Variants in SUCLG1 observed in about 807,000 individuals in gnomAD.
SUCLG1 encodes succinate-CoA ligase GDP/ADP-forming subunit alpha, also known as succinate--CoA ligase [ADP/GDP-forming] subunit alpha, mitochondrial.
SUCLG1 carries 26 observed loss-of-function variants against 37.3 expected under a neutral mutation model. That is an observed-to-expected ratio of 0.70 (90% CI 0.51 to 0.97). The LOEUF (loss-of-function observed/expected upper bound fraction) is 0.97. SUCLG1 is among the 50% of genes least tolerant of loss of function. The pLI is 0.00. For missense variants in SUCLG1, 433 were observed against 432.9 expected (o/e 1.00, Z 0.00); for synonymous variants, 163 against 155.6 (o/e 1.05, Z -0.36).
At chr2:84,441,569 C>A in intron 3 of SUCLG1, 110 bp from the exon 4 acceptor site, 1 of 1,197,710 alleles carries the variant, frequency 8.3e-7, no homozygotes, top group South Asian at 1.3e-5. Context: ...AGGACACTAC[C>A]CAGAGACATA....
At chr2:84,446,253 C>T (rs549820049) in intron 2 of SUCLG1, among the ~76,000 whole-genome samples, 3 of 152,342 alleles carry the variant, frequency 2.0e-5, no homozygotes, top group East Asian at 3.9e-4. Context: ...ATAATATACT[C>T]ATTGATTTTG....
intron 1 of SUCLG1, among the ~76,000 whole-genome samples, chr2:84,452,236 T>A (rs1300461986): frequency 6.6e-6 from 1 of 150,948 alleles, no homozygotes; most frequent in Non-Finnish European, 1.5e-5. Flanking sequence ...CCCACACCTA[T>A]TCAAGGTAGA....
intron 7 of SUCLG1, among the ~76,000 whole-genome samples, chr2:84,430,773 GTTGC>G (rs1672602517): frequency 6.6e-6 from 1 of 151,724 alleles, no homozygotes; most frequent in African/African-American, 2.4e-5. Context: ...CTGAAAATCA[GTTGC>G]TTGATTTTTT....
At chr2:84,455,494 C>CA (rs5832611) in intron 1 of SUCLG1, among the ~76,000 whole-genome samples, 137,904 of 151,266 alleles carry the variant, frequency 0.91, 63,024 homozygotes, top group East Asian at 0.98. Context: ...AACTCTGTCT[C>CA]AAAAAAAACA....
In SUCLG1 at chr2:84,441,263, C is replaced by A; in HGVS notation, c.515G>T (p.Cys172Phe). The change falls in exon 4 of 9, where the codon TGC becomes TTC. Residue 172 changes from cysteine (C) to phenylalanine (F), a missense_variant. By Grantham distance (205) the Cys-to-Phe change is radical. Coordinates refer to ENST00000393868, the MANE Select transcript of SUCLG1 (RefSeq NM_003849.4). ...QEKTRLIGPN[C>F]PGVINPGECK... is the part of the protein sequence containing the mutation. ...TGCACTCACATTGATGACTCCAGGG[C>A]AGTTGGGCCCAATTAGCCTTGTCTT... The A allele has an allele frequency of 6.2e-7, 1 of 1,614,118 alleles. No homozygotes were observed.
At position 84,434,461 on chromosome 2, in the gene SUCLG1, G is replaced by A. The variant is rs190840818; in HGVS notation, c.590-1026C>T. 4.3e-3 allele frequency among the ~76,000 whole-genome samples: 657 copies of A among 152,304 alleles called. 26 individuals carry two copies. The highest frequency in any genetic ancestry group is 0.038 in the Admixed American group (588 of 15,300). On this transcript the variant is annotated intron_variant, in intron 5 of 8. Coordinates refer to ENST00000393868, the MANE Select transcript of SUCLG1 (RefSeq NM_003849.4). ...ACATCTGGATTAGGTGTGCGCCGAGGGAGGAGAGCCAGTGGGGGCCAGGGA... is the reference window on the plus strand; with the variant it reads ...ACATCTGGATTAGGTGTGCGCCGAGAGAGGAGAGCCAGTGGGGGCCAGGGA...
intron 2 of SUCLG1, 141 bp from the exon 3 acceptor site, chr2:84,443,541 G>C (rs1216560192): frequency 1.3e-6 from 1 of 793,682 alleles, no homozygotes. Flanking sequence ...ACTAAACATA[G>C]CTTTGAATCT....
intron 1 of SUCLG1, chr2:84,458,419 G>C (rs546320151): frequency 6.6e-6 from 1 of 152,302 alleles, no homozygotes; most frequent in East Asian, 1.9e-4. Context: ...CCCTGATGTG[G>C]CTGATTCCAA....
intron 1 of SUCLG1, among the ~76,000 whole-genome samples, chr2:84,457,683 T>C (rs1210434741): frequency 6.6e-6 from 1 of 152,210 alleles, no homozygotes; most frequent in Non-Finnish European, 1.5e-5. Context: ...CCCACCACAG[T>C]GGCTGTGCTG....
At chr2:84,450,909 T>C (rs527616549) in intron 1 of SUCLG1, among the ~76,000 whole-genome samples, 43 of 152,304 alleles carry the variant, frequency 2.8e-4, no homozygotes, top group African/African-American at 9.6e-4. Flanking sequence ...CTGGATAATA[T>C]TTGGTACACA....
intron 2 of SUCLG1, among the ~76,000 whole-genome samples, chr2:84,448,179 A>G (rs1408247031): frequency 2.0e-5 from 3 of 150,172 alleles, no homozygotes; most frequent in East Asian, 3.9e-4. Flanking sequence ...AGAAAAAAAA[A>G]AAAACAAAAA....
In SUCLG1 at chr2:84,423,542, T is replaced by C; in HGVS notation, c.*204A>G. 2 of 619,408 alleles carry C rather than the reference T, an allele frequency of 3.2e-6. No homozygotes were observed. Among genetic ancestry groups the C allele is most frequent in the South Asian group, 3.8e-5 (2 of 52,268 alleles). The allele number at this position is 619,408 out of a possible 1,614,324, so 38.4% of individuals were successfully genotyped here. A position where few individuals can be genotyped will look rare whatever the true frequency, so the allele number is the denominator to read the frequency against. ...CCAAAACCATATTGAAATCAAATAG[T>C]AGATTTATTGGCTGTCTCTGTAATA... On this transcript the variant is annotated 3_prime_UTR_variant, in exon 9 of 9. Coordinates refer to ENST00000393868, the MANE Select transcript of SUCLG1 (RefSeq NM_003849.4).
chr2:84,443,991 T>C (rs1165846954), intron 2 of SUCLG1, among the ~76,000 whole-genome samples: 1 of 152,208 alleles, frequency 6.6e-6, no homozygotes. Flanking sequence ...GACAGGATGA[T>C]TCTTTCTTAT....
chr2:84,443,834 A>G (rs930528311), intron 2 of SUCLG1, among the ~76,000 whole-genome samples: 21 of 137,080 alleles, frequency 1.5e-4, no homozygotes, highest in African/African-American at 6.5e-4. Flanking sequence ...GGCTAAGGGA[A>G]AAAAAAACAA....
At chr2:84,442,086 C>T (rs1159261459) in intron 3 of SUCLG1, among the ~76,000 whole-genome samples, 1 of 150,764 alleles carries the variant, frequency 6.6e-6, no homozygotes, top group Admixed American at 6.6e-5. Flanking sequence ...TGTCAAAAAA[C>T]TTATAGAATA....
intron 7 of SUCLG1, chr2:84,425,872 C>T (rs753800983): frequency 3.6e-5 from 17 of 474,374 alleles, no homozygotes; most frequent in Non-Finnish European, 5.8e-5. Flanking sequence ...ATACACATGA[C>T]GCTATCATTT....
intron 1 of SUCLG1, chr2:84,458,315 G>A (rs535657641): frequency 6.6e-6 from 1 of 152,216 alleles, no homozygotes. Flanking sequence ...CCCTTAAAAT[G>A]TGTTAATATT....
intron 3 of SUCLG1, among the ~76,000 whole-genome samples, chr2:84,442,829 A>T (rs988252377): frequency 1.3e-5 from 2 of 152,184 alleles, no homozygotes; most frequent in Non-Finnish European, 2.9e-5. Context: ...TTGTGAGACC[A>T]TGGGCAAGAT....
rs184010289 is a variant in SUCLG1, at chr2:84,429,257, T to C, written c.825+2251A>G. Among the ~76,000 whole-genome samples the C allele has an allele frequency of 5.5e-3, 834 of 152,280 alleles. 8 individuals carry two copies. The highest frequency in any genetic ancestry group is 5.4e-3 in the Non-Finnish European group (366 of 68,004). ...TGCCAAATGAAACAAAATGTCTATG[T>C]TTCATTTTTCCCACTAAATACTAGG... On this transcript the variant is annotated intron_variant, in intron 7 of 8. Transcript: ENST00000393868.
Sources: allele counts gnomAD v4.1 joint callset (sites outside exome capture counted in the v4.1 genomes callset), GRCh38; gene constraint gnomAD v4.1.1; transcripts MANE v1.5; gene names NCBI Gene and HGNC (gene_info 2026-07-23, HGNC 2026-07-21).